Variants in TEK observed in about 807,000 individuals in gnomAD.
TEK encodes TEK receptor tyrosine kinase, also known as angiopoietin-1 receptor.
Under a neutral mutation model 131.8 loss-of-function variants are expected in TEK, and 43 were observed. That is an observed-to-expected ratio of 0.33 (90% CI 0.26 to 0.42). The LOEUF is 0.42. Among genes scored for constraint, TEK ranks in the 10% least tolerant of loss-of-function variants. TEK has a pLI of 1.00. For missense variants in TEK, 1,162 were observed against 1,384.4 expected (o/e 0.84, Z 2.55); for synonymous variants, 580 against 491.6 (o/e 1.18, Z -2.38).
Position 27,229,520 on chromosome 9 carries a change from G to C in TEK, c.*288G>C. ...AAAAATGTGGACTTCATAGGAAGGC[G>C]TGAGTACAATTAGTATAATGCATAA... On this transcript the variant is annotated 3_prime_UTR_variant, in exon 23 of 23. Coordinates refer to ENST00000380036, the MANE Select transcript of TEK (RefSeq NM_000459.5). 1 of 446,916 alleles carries C rather than the reference G, an allele frequency of 2.2e-6. No individual in the cohort carries two copies. The highest frequency in any genetic ancestry group is 4.1e-6 in the Non-Finnish European group (1 of 243,068). The allele number at this position is 446,916 out of a possible 1,614,324, so 27.7% of individuals were successfully genotyped here. A position where few individuals can be genotyped will look rare whatever the true frequency, so the allele number is the denominator to read the frequency against.
At chr9:27,197,650 C>T (rs564126494) in intron 12 of TEK, 51 bp downstream of exon 12, 1 of 1,607,288 alleles carries the variant, frequency 6.2e-7, no homozygotes, top group South Asian at 1.1e-5. Flanking sequence ...GGGGCTACCG[C>T]CATGCAGACT....
At chr9:27,196,951 G>T (rs1195217640) in intron 11 of TEK, among the ~76,000 whole-genome samples, 4 of 151,730 alleles carry the variant, frequency 2.6e-5, no homozygotes, top group African/African-American at 9.7e-5. Flanking sequence ...CCATGTTGGT[G>T]TGCTGCACCC....
Position 27,173,378 on chromosome 9 carries a change from AC to A in TEK, c.901+19del. On this transcript the variant is annotated intron_variant, in intron 6 of 22. Transcript: ENST00000380036. ...TGCAATGAAGGTATGCACCAATCAC[AC>A]CCTTGGACAGAGGATGTTCTAGCAG... 6.2e-7 allele frequency: 1 copy of A among 1,613,592 alleles called. No homozygotes were observed. Among genetic ancestry groups the A allele is most frequent in the Non-Finnish European group, 8.5e-7 (1 of 1,179,720 alleles).
chr9:27,153,953 CT>C (rs1823229135), intron 1 of TEK, among the ~76,000 whole-genome samples: 1 of 152,072 alleles, frequency 6.6e-6, no homozygotes, highest in South Asian at 2.1e-4. Context: ...GTTTTAACTC[CT>C]TTATTTTTCA....
At position 27,209,240 on chromosome 9, in the gene TEK, C is replaced by T. The variant is rs1383957842; in HGVS notation, c.2686+9C>T. On this transcript the variant is annotated intron_variant, in intron 16 of 22. Coordinates refer to ENST00000380036, the MANE Select transcript of TEK (RefSeq NM_000459.5). Reference sequence around the variant, plus strand: ...AGCATGTGAACATCGAGGTAAGATGCTCTTTTCCTGTCTTTCCTGCCAGAG... The same window carrying T: ...AGCATGTGAACATCGAGGTAAGATGTTCTTTTCCTGTCTTTCCTGCCAGAG... The T allele has an allele frequency of 1.9e-6, 3 of 1,580,598 alleles. No homozygotes were observed. The highest frequency in any genetic ancestry group is 2.6e-6 in the Non-Finnish European group (3 of 1,149,676).
chr9:27,220,235 T>A (rs1181967131), intron 21 of TEK, 90 bp downstream of exon 21: 1 of 1,174,182 alleles, frequency 8.5e-7, no homozygotes, highest in Non-Finnish European at 1.3e-6. Flanking sequence ...TCAGCCGGTA[T>A]ACACTATACA....
intron 2 of TEK, among the ~76,000 whole-genome samples, chr9:27,164,266 G>A (rs12375488): frequency 6.6e-6 from 1 of 151,548 alleles, no homozygotes; most frequent in Admixed American, 6.6e-5. Context: ...TTTTTATTTA[G>A]TTGGAGTCTC....
intron 11 of TEK, among the ~76,000 whole-genome samples, chr9:27,196,853 GTTTAT>G (rs1051144027): frequency 1.6e-5 from 2 of 127,216 alleles, no homozygotes; most frequent in African/African-American, 6.0e-5. Context: ...CAAAGCTCCT[GTTTAT>G]TTTATTTTTT....
intron 2 of TEK, among the ~76,000 whole-genome samples, chr9:27,158,494 T>C (rs1823423767): frequency 6.6e-6 from 1 of 152,172 alleles, no homozygotes; most frequent in South Asian, 2.1e-4. Flanking sequence ...ATTTTGAGCT[T>C]TCTTATTTGA....
In TEK at chr9:27,213,576, G is replaced by A. The variant is rs756306459; in HGVS notation, c.2970G>A (p.Glu990=). The A allele has an allele frequency of 6.2e-7, 1 of 1,613,736 alleles. No individual in the cohort carries two copies. The highest frequency in any genetic ancestry group is 8.5e-7 in the Non-Finnish European group (1 of 1,179,716). The change falls in exon 18 of 23, where the codon GAG becomes GAA. Residue 990 remains glutamate (E), a synonymous_variant. Coordinates refer to ENST00000380036, the MANE Select transcript of TEK (RefSeq NM_000459.5). ...IADFGLSRGQ[E]VYVKKTMGRL... is the part of the protein sequence containing the mutation. ...ATTTTGGATTGTCCCGAGGTCAAGA[G>A]GTGTATGTGAAAAAGACAATGGTAA...
chr9:27,218,012 G>A (rs977201265), intron 19 of TEK, among the ~76,000 whole-genome samples: 18 of 151,874 alleles, frequency 1.2e-4, no homozygotes, highest in Non-Finnish European at 2.1e-4. Flanking sequence ...TTCAAGTTGC[G>A]AATTCTCGGA....
chr9:27,132,523 T>C (rs1446525089), intron 1 of TEK, among the ~76,000 whole-genome samples: 1 of 152,194 alleles, frequency 6.6e-6, no homozygotes, highest in African/African-American at 2.4e-5. Context: ...CTTTCCTGGA[T>C]ATTTTTATTG....
At chr9:27,173,396 T>C (rs201953017) in intron 6 of TEK, 34 bp downstream of exon 6, 1 of 1,613,288 alleles carries the variant, frequency 6.2e-7, no homozygotes, top group African/African-American at 1.3e-5. Context: ...ACAGAGGATG[T>C]TCTAGCAGGT....
chr9:27,150,029 T>A (rs1823066943), intron 1 of TEK, among the ~76,000 whole-genome samples: 1 of 152,158 alleles, frequency 6.6e-6, no homozygotes, highest in Admixed American at 6.5e-5. Context: ...ATTCTCAATT[T>A]CTCTGTCCTG....
chr9:27,185,166 T>G (rs1824550137), intron 8 of TEK, among the ~76,000 whole-genome samples: 1 of 152,152 alleles, frequency 6.6e-6, no homozygotes, highest in African/African-American at 2.4e-5. Context: ...ATCTCTGTGT[T>G]AGATAGGAAA....
At chr9:27,211,380 A>G (rs1168666095) in intron 16 of TEK, among the ~76,000 whole-genome samples, 1 of 133,690 alleles carries the variant, frequency 7.5e-6, no homozygotes, top group East Asian at 2.6e-4. Flanking sequence ...ACAGGTTTCA[A>G]TATTACTTTT....
intron 1 of TEK, 94 bp downstream of exon 1, chr9:27,109,736 A>G: frequency 7.8e-7 from 1 of 1,278,206 alleles, no homozygotes; most frequent in Non-Finnish European, 1.1e-6. Flanking sequence ...AGTGCTGATG[A>G]ACAAGGGGTG....
At chr9:27,220,275 G>C in intron 21 of TEK, 130 bp downstream of exon 21, 4 of 765,020 alleles carry the variant, frequency 5.2e-6, no homozygotes, top group Non-Finnish European at 9.2e-6. Context: ...ATCCCAAATA[G>C]GAACCCCTCC....
chr9:27,207,174 C>T (rs1172854235), intron 15 of TEK, among the ~76,000 whole-genome samples: 1 of 152,240 alleles, frequency 6.6e-6, no homozygotes, highest in Non-Finnish European at 1.5e-5. Context: ...ATTTCTGACT[C>T]AGTCTAGGGC....
Sources: gnomAD v4.1 joint callset for allele counts (sites outside exome capture counted in the v4.1 genomes callset) on GRCh38, gnomAD v4.1.1 for gene constraint, MANE v1.5 for transcripts, NCBI Gene and HGNC (gene_info 2026-07-23, HGNC 2026-07-21) for gene names.